CNST: variants seen among roughly 807,000 people sequenced by gnomAD.
CNST encodes the protein consortin.
Under a neutral mutation model 72.4 loss-of-function variants are expected in CNST, and 39 were observed. The observed-to-expected ratio is 0.54, with a 90% CI of 0.42 to 0.70. The LOEUF is 0.70. Among genes scored for constraint, CNST ranks in the 30% least tolerant of loss-of-function variants. CNST has a pLI of 0.00. For missense variants in CNST, 871 were observed against 868.5 expected (o/e 1.00, Z -0.04); for synonymous variants, 332 against 320.1 (o/e 1.04, Z -0.40).
intron 1 of CNST, among the ~76,000 whole-genome samples, chr1:246,568,000 T>TA (rs1558520201): frequency 2.0e-5 from 3 of 152,002 alleles, no homozygotes; most frequent in Admixed American, 6.6e-5. Context: ...TTCTGACTTT[T>TA]TAAAAAAAAC....
chr1:246,627,210 C>A (rs1664494994), intron 3 of CNST, among the ~76,000 whole-genome samples: 1 of 152,244 alleles, frequency 6.6e-6, no homozygotes, highest in Non-Finnish European at 1.5e-5. Context: ...TGTCACTCCA[C>A]TGTGCAAAGC....
At position 246,633,975 on chromosome 1, in the gene CNST, T is replaced by G; in HGVS notation, c.668T>G (p.Leu223Trp). The change falls in exon 5 of 11, where the codon TTG becomes TGG. Residue 223 changes from leucine to tryptophan, a missense_variant. Coordinates refer to ENST00000366513, the MANE Select transcript of CNST (RefSeq NM_152609.3). ...CTAGAACGATTGTATCATGAGCAAT[T>G]GCTCGCAAATCTTTCTGCCATTCAA... is the stretch of plus-strand genomic sequence containing the variant. ...IQLERLYHEQLLANLSAIQEQ... is the reference protein window; with the variant it reads ...IQLERLYHEQWLANLSAIQEQ... 1 of 1,613,378 alleles carries G rather than the reference T, an allele frequency of 6.2e-7. No homozygotes were observed. Among genetic ancestry groups the G allele is most frequent in the Non-Finnish European group, 8.5e-7 (1 of 1,179,348 alleles).
At chr1:246,566,928 G>T (rs1399282527) in intron 1 of CNST, 1 of 337,112 alleles carries the variant, frequency 3.0e-6, no homozygotes, top group Non-Finnish European at 5.3e-6. Context: ...GCCAGAAGTC[G>T]TTCCTCACCC....
intron 1 of CNST, among the ~76,000 whole-genome samples, chr1:246,575,920 A>C (rs964244091): frequency 6.6e-6 from 1 of 152,102 alleles, no homozygotes; most frequent in Admixed American, 6.5e-5. Flanking sequence ...TTAAAACAAC[A>C]TTCTCATATA....
intron 4 of CNST, among the ~76,000 whole-genome samples, chr1:246,633,720 A>G (rs372504781): frequency 2.0e-5 from 3 of 151,598 alleles, no homozygotes; most frequent in African/African-American, 7.3e-5. Flanking sequence ...TCCAGCCTGG[A>G]CTACAGAGCA....
intron 1 of CNST, among the ~76,000 whole-genome samples, chr1:246,590,135 G>A (rs555681957): frequency 6.6e-6 from 1 of 152,252 alleles, no homozygotes; most frequent in Non-Finnish European, 1.5e-5. Context: ...TGCATCTTAA[G>A]AGCCAAGCTC....
chr1:246,596,406 A>AG (rs1476803122), intron 2 of CNST, among the ~76,000 whole-genome samples: 2 of 152,056 alleles, frequency 1.3e-5, no homozygotes, highest in East Asian at 3.8e-4. Context: ...TCAAAAAAAA[A>AG]AAAAGAAAAA....
Position 246,582,675 on chromosome 1 carries a change from T to C in CNST, c.-51-8837T>C, listed in dbSNP as rs114353026. On this transcript the variant is annotated intron_variant, in intron 1 of 10. Transcript: ENST00000366513. ...CGCCTCCGTTTATCAGGCTCGTCAC[T>C]ACTTTACTTCAGCACTCTTATTCCA... 3.9e-3 allele frequency among the ~76,000 whole-genome samples: 599 copies of C among 152,372 alleles called. 5 individuals are homozygous for C. Among genetic ancestry groups the C allele is most frequent in the African/African-American group, 0.014 (572 of 41,582 alleles).
At chr1:246,656,678 C>T (rs940047912) in intron 9 of CNST, among the ~76,000 whole-genome samples, 9 of 152,110 alleles carry the variant, frequency 5.9e-5, no homozygotes, top group Admixed American at 6.5e-5. Context: ...GGCACAGTGG[C>T]GCAAATCTGT....
chr1:246,647,073 C>T, intron 8 of CNST, 66 bp from the exon 9 acceptor site: 2 of 1,411,652 alleles, frequency 1.4e-6, no homozygotes, highest in Non-Finnish European at 1.9e-6. Flanking sequence ...TCATATGTCC[C>T]TTCTTTTCCT....
At chr1:246,575,239 T>C (rs537528482) in intron 1 of CNST, among the ~76,000 whole-genome samples, 2 of 152,202 alleles carry the variant, frequency 1.3e-5, no homozygotes, top group South Asian at 2.1e-4. Context: ...TGACCTTTTG[T>C]CAAGTGTTCA....
chr1:246,641,769 A>G lies in CNST; in HGVS notation c.839A>G (p.Lys280Arg). Residue 280 changes from lysine to arginine, a missense_variant and splice_region_variant, in exon 7 of 11, where the codon AAG (lysine) becomes AGG (arginine). Transcript: ENST00000366513. ...THQDPLLSKH[K>R]IAAVEKSQER... ...TACAGTCCTCTTTTATCCAAACATA[A>G]GGTAAGAGATTGTTTCTTTTGAATA... 2 of 1,354,270 alleles carry G rather than the reference A, an allele frequency of 1.5e-6. No homozygotes were observed. The highest frequency in any genetic ancestry group is 1.2e-5 in the South Asian group (1 of 81,666). The allele number at this position is 1,354,270 out of a possible 1,614,324, so 83.9% of individuals were successfully genotyped here.
intron 6 of CNST, among the ~76,000 whole-genome samples, chr1:246,636,236 AG>A (rs1407224487): frequency 1.3e-5 from 2 of 148,442 alleles, no homozygotes; most frequent in Non-Finnish European, 2.9e-5. Context: ...GTTTGGTGAC[AG>A]GGGCTTTCAC....
chr1:246,622,529 A>C (rs1446593703), intron 3 of CNST, among the ~76,000 whole-genome samples: 1 of 152,142 alleles, frequency 6.6e-6, no homozygotes, highest in Non-Finnish European at 1.5e-5. Flanking sequence ...CGTGGCTGGG[A>C]TATTATTGGA....
rs546577223 is a variant in CNST at position 246,579,705 on chromosome 1, A to G, written c.-51-11807A>G. 3.3e-5 allele frequency among the ~76,000 whole-genome samples: 5 copies of G among 152,296 alleles called. No homozygotes were observed. In the South Asian group the frequency reaches 6.2e-4, roughly 19 times the overall value. The stretch of plus-strand genomic sequence containing the variant: ...GGGAGGCGGAGGTTGCAGTGAGCCA[A>G]GATTGCCCCACTGCACTCCAGCCTG... On this transcript the variant is annotated intron_variant, in intron 1 of 10. Transcript: ENST00000366513.
At chr1:246,652,832 G>A (rs111929789) in intron 9 of CNST, among the ~76,000 whole-genome samples, 282 of 149,236 alleles carry the variant, frequency 1.9e-3, no homozygotes, top group Non-Finnish European at 2.2e-3. Context: ...GTGAAACCCC[G>A]TCTCTACTAA....
intron 1 of CNST, among the ~76,000 whole-genome samples, chr1:246,572,601 T>G (rs12060852): frequency 6.6e-6 from 1 of 152,086 alleles, no homozygotes; most frequent in Non-Finnish European, 1.5e-5. Context: ...TCCTCCTGCC[T>G]TGACTTCCCA....
At chr1:246,569,893 A>G in intron 1 of CNST, 1 of 974,568 alleles carries the variant, frequency 1.0e-6, no homozygotes, top group Non-Finnish European at 1.2e-6. Flanking sequence ...TGTCGACTAA[A>G]TTGTAGGGAG....
intron 6 of CNST, among the ~76,000 whole-genome samples, chr1:246,640,768 C>A (rs915974280): frequency 1.3e-5 from 2 of 152,148 alleles, no homozygotes; most frequent in Admixed American, 6.5e-5. Context: ...ATGACATGAG[C>A]ATGGTGTCTT....
Sources: gnomAD v4.1 joint callset for allele counts (sites outside exome capture counted in the v4.1 genomes callset) on GRCh38, gnomAD v4.1.1 for gene constraint, MANE v1.5 for transcripts, NCBI Gene and HGNC (gene_info 2026-07-23, HGNC 2026-07-21) for gene names.